Variants in IRAK1 observed in about 807,000 individuals in gnomAD.
IRAK1 encodes interleukin 1 receptor associated kinase 1.
IRAK1 carries 9 observed loss-of-function variants against 49.8 expected under a neutral mutation model. That is an observed-to-expected ratio of 0.18 (90% CI 0.11 to 0.32). IRAK1 has a LOEUF of 0.32. Among genes scored for constraint, IRAK1 ranks in the 10% least tolerant of loss-of-function variants. IRAK1 has a pLI of 1.00. For synonymous variants in IRAK1, 282 were observed against 270.8 expected, an observed-to-expected ratio of 1.04 and a Z score of -0.41; for missense variants, 418 against 600.5, an observed-to-expected ratio of 0.70 and a Z score of 3.18.
chrX:154,013,428 G>A lies in IRAK1; in HGVS notation c.1545C>T (p.Tyr515=), dbSNP rs1557128183. 8.5e-7 allele frequency: 1 copy of A among 1,177,225 alleles called. No homozygotes were observed. Among genetic ancestry groups the A allele is most frequent in the African/African-American group, 1.8e-5 (1 of 56,147 alleles). The change falls in exon 12 of 14, where the codon TAC becomes TAT. Residue 515 remains tyrosine, a synonymous_variant. Coordinates refer to ENST00000369980, the MANE Select transcript of IRAK1 (RefSeq NM_001569.4). ...CTGCCTGCAGCTTCTCTAGCCTCTC[G>A]TACACCTGCAAGTGGAAAAGAGGGA... ...AKRRPPMTQV[Y]ERLEKLQAVV...
In IRAK1 at chrX:154,013,397, C is replaced by T. The variant is rs782346380; in HGVS notation, c.1576G>A (p.Ala526Thr). Reference sequence around the variant, plus strand: ...GCCTCCGAATGCCCGGGCACCCCCGCCACCACTGCCTGCAGCTTCTCTAGC... The same window carrying T: ...GCCTCCGAATGCCCGGGCACCCCCGTCACCACTGCCTGCAGCTTCTCTAGC... ...ERLEKLQAVVAGVPGHSEAAS... is the reference protein window; with the variant it reads ...ERLEKLQAVVTGVPGHSEAAS... Residue 526 changes from alanine to threonine, a missense_variant, in exon 12 of 14, where the codon GCG (alanine) becomes ACG (threonine). Around this residue, in one of 3 missense-constraint regions of IRAK1, gnomAD observed 377 missense variants for 499.5 expected, o/e 0.75. Coordinates refer to ENST00000369980, the MANE Select transcript of IRAK1 (RefSeq NM_001569.4). The T allele has an allele frequency of 8.4e-7, 1 of 1,196,913 alleles. No individual in the cohort carries two copies. Among genetic ancestry groups the T allele is most frequent in the Non-Finnish European group, 1.1e-6 (1 of 890,281 alleles).
intron 11 of IRAK1, among the ~76,000 whole-genome samples, chrX:154,013,824 T>G (rs1273033654): frequency 8.9e-6 from 1 of 112,183 alleles, no homozygotes; most frequent in Non-Finnish European, 1.9e-5. Context: ...TTTCCTTCTC[T>G]CTATGTGAAG....
chrX:154,016,907 C>A, intron 8 of IRAK1, 42 bp downstream of exon 8: 1 of 1,012,211 alleles, frequency 9.9e-7, no homozygotes. Context: ...GCCCCCCTTG[C>A]TGCAGGCCCT....
intron 11 of IRAK1, 127 bp downstream of exon 11, chrX:154,013,915 G>C: frequency 1.0e-6 from 1 of 961,556 alleles, no homozygotes; most frequent in South Asian, 2.3e-5. Context: ...CAGAACCAAA[G>C]GGCAAGCAAG....
chrX:154,019,187 G>C lies in IRAK1; in HGVS notation c.436+10C>G. ...TGGGTCCACCGAGCCTAACAACCGGGCCCTCTTACCTGGGGAGAGGAAGGT... is the reference window on the plus strand; with the variant it reads ...TGGGTCCACCGAGCCTAACAACCGGCCCCTCTTACCTGGGGAGAGGAAGGT... On this transcript the variant is annotated intron_variant, in intron 3 of 13. Transcript: ENST00000369980. 1 of 1,211,250 alleles carries C rather than the reference G, an allele frequency of 8.3e-7. No individual in the cohort carries two copies. The highest frequency in any genetic ancestry group is 1.1e-6 in the Non-Finnish European group (1 of 895,154).
rs781811669 is a variant in IRAK1 at position 154,016,496 on chromosome X, C to T, written c.1177G>A (p.Glu393Lys). The T allele has an allele frequency of 2.5e-6, 3 of 1,211,995 alleles. No homozygotes were observed. Among genetic ancestry groups the T allele is most frequent in the Non-Finnish European group, 3.4e-6 (3 of 895,292 alleles). The change falls in exon 9 of 14, where the codon GAG becomes AAG. Residue 393 changes from glutamate to lysine, a missense_variant. Physicochemically the swap from Glu to Lys is moderately conservative, Grantham distance 56. Coordinates refer to ENST00000369980, the MANE Select transcript of IRAK1 (RefSeq NM_001569.4). The stretch of plus-strand genomic sequence containing the variant: ...AGCCTTCCCGTCTTGATGTACTCCT[C>T]GGGCAGGTAGGCCAGGGTGCCCCGC... ...TVRGTLAYLP[E>K]EYIKTGRLAV...
chrX:154,014,367 T>C, intron 10 of IRAK1, 89 bp from the exon 11 acceptor site: 1 of 689,786 alleles, frequency 1.4e-6, no homozygotes, highest in Non-Finnish European at 2.0e-6. Flanking sequence ...CGTATGGGTT[T>C]TGATAAAAAA....
intron 12 of IRAK1, 43 bp downstream of exon 12, chrX:154,013,000 A>G: frequency 1.7e-6 from 2 of 1,189,367 alleles, no homozygotes; most frequent in Non-Finnish European, 2.3e-6. Flanking sequence ...TTTGGCCCAA[A>G]GAGGCCTTGG....
Position 154,011,171 on chromosome X carries a change from A to C in IRAK1, c.*688T>G, listed in dbSNP as rs2065695232. 1 of 318,914 alleles carries C rather than the reference A, an allele frequency of 3.1e-6. No homozygotes were observed. 26.3% of individuals were successfully genotyped at this position (318,914 alleles called of 1,213,427 possible). A position where few individuals can be genotyped will look rare whatever the true frequency, so the allele number is the denominator to read the frequency against. The stretch of plus-strand genomic sequence containing the variant: ...ACAATCATGACTCACTGCAGCCTCG[A>C]CCTCCCAAGCATAAATGATCCTCCT... On this transcript the variant is annotated 3_prime_UTR_variant, in exon 14 of 14. Transcript: ENST00000369980.
chrX:154,018,498 G>A, intron 5 of IRAK1, 101 bp downstream of exon 5: 1 of 903,652 alleles, frequency 1.1e-6, no homozygotes, highest in Non-Finnish European at 1.6e-6. Context: ...GCCAGAATGA[G>A]GGCTGAAGGA....
rs1325815677 is a variant in IRAK1 at position 154,011,091 on chromosome X, G to A, written c.*768C>T. ...ACAGCCATACTTCACTTTTCCCAGG[G>A]TTTTTCTTTTTGAAACAGGGTCTTG... On this transcript the variant is annotated 3_prime_UTR_variant, in exon 14 of 14. Coordinates refer to ENST00000369980, the MANE Select transcript of IRAK1 (RefSeq NM_001569.4). The A allele has an allele frequency of 2.4e-5, 8 of 340,371 alleles. No homozygotes were observed. The highest frequency in any genetic ancestry group is 4.7e-5 in the Non-Finnish European group (8 of 169,862). 28.1% of individuals were successfully genotyped at this position (340,371 alleles called of 1,213,427 possible).
intron 3 of IRAK1, 50 bp from the exon 4 acceptor site, chrX:154,019,128 A>G (rs781861080): frequency 8.3e-7 from 1 of 1,203,718 alleles, no homozygotes; most frequent in East Asian, 3.0e-5. Context: ...AGCAGGGTCT[A>G]CAGCCGTGGC....
In IRAK1 at chrX:154,014,371, T is replaced by TA. The variant is rs146868205; in HGVS notation, c.1303-94dup. The stretch of plus-strand genomic sequence containing the variant: ...TGTCACTCAATCGTATGGGTTTTGA[T>TA]AAAAAAAAAAAAAAAAAAAAAAGAG... On this transcript the variant is annotated intron_variant, in intron 10 of 13. Coordinates refer to ENST00000369980, the MANE Select transcript of IRAK1 (RefSeq NM_001569.4). The TA allele has an allele frequency of 5.5e-3, 2,869 of 524,165 alleles. 3 individuals are homozygous for TA. Among genetic ancestry groups the TA allele is most frequent in the East Asian group, 0.029 (540 of 18,544 alleles). The allele number at this position is 524,165 out of a possible 1,213,427, so 43.2% of individuals were successfully genotyped here. A position where few individuals can be genotyped will look rare whatever the true frequency, so the allele number is the denominator to read the frequency against.
chrX:154,019,147 A>C, intron 3 of IRAK1, 50 bp downstream of exon 3: 2 of 1,208,354 alleles, frequency 1.7e-6, no homozygotes, highest in Non-Finnish European at 2.2e-6. Context: ...GCCGTGGTCA[A>C]GGTGGGCTCT....
Position 154,013,274 on chromosome X carries a change from G to A in IRAK1, c.1699C>T (p.Pro567Ser), listed in dbSNP as rs1557128086. ...GCTGCCTGGGCACTGGCTCCTGATG[G>A]CGCTGCCAGGGGCTGCCATGGAGCA... ...GAAPWQPLAA[P>S]SGASAQAAEQ... The change falls in exon 12 of 14, where the codon CCA (proline) becomes TCA (serine). Residue 567 changes from proline to serine, a missense_variant. Around this residue, in one of 3 missense-constraint regions of IRAK1, gnomAD observed 377 missense variants for 499.5 expected, o/e 0.75. Transcript: ENST00000369980. 2.5e-6 allele frequency: 3 copies of A among 1,210,406 alleles called. No individual in the cohort carries two copies. Among genetic ancestry groups the A allele is most frequent in the Non-Finnish European group, 3.4e-6 (3 of 895,253 alleles).
intron 10 of IRAK1, among the ~76,000 whole-genome samples, chrX:154,014,813 A>G (rs1488908200): frequency 1.8e-5 from 2 of 112,108 alleles, no homozygotes; most frequent in Non-Finnish European, 3.8e-5. Context: ...CTAGGGATAC[A>G]GGAACAAACA....
Position 154,019,813 on chromosome X carries a change from G to C in IRAK1, c.-1C>G. 1 of 864,482 alleles carries C rather than the reference G, an allele frequency of 1.2e-6. No homozygotes were observed. 71.2% of individuals were successfully genotyped at this position (864,482 alleles called of 1,213,427 possible). A position where few individuals can be genotyped will look rare whatever the true frequency, so the allele number is the denominator to read the frequency against. On this transcript the variant is annotated 5_prime_UTR_variant, in exon 1 of 14. Transcript: ENST00000369980. ...CCCCCGGGCCCGGCCCCCCGGCCAT[G>C]GCTGCCGCCGCCGGGCCGGGACCTG... is the stretch of plus-strand genomic sequence containing the variant.
Position 154,013,736 on chromosome X carries a change from G to A in IRAK1, c.1540-303C>T, listed in dbSNP as rs144148891. Among the ~76,000 whole-genome samples, 1,000 of 113,033 alleles carry A rather than the reference G, an allele frequency of 8.8e-3. 12 individuals are homozygous for A. Among genetic ancestry groups the A allele is most frequent in the African/African-American group, 0.031 (959 of 31,160 alleles). ...TTTCAACTGTCACCAGAGGAGAAGAGGTGGGGTACTAGGGAGGGGACAGAA... is the reference window on the plus strand; with the variant it reads ...TTTCAACTGTCACCAGAGGAGAAGAAGTGGGGTACTAGGGAGGGGACAGAA... On this transcript the variant is annotated intron_variant, in intron 11 of 13. Transcript: ENST00000369980.
In IRAK1 at chrX:154,012,608, CT is replaced by C; in HGVS notation, c.2000del (p.Gln667ArgfsTer97). 8.3e-7 allele frequency: 1 copy of C among 1,211,902 alleles called. No homozygotes were observed. Among genetic ancestry groups the C allele is most frequent in the Non-Finnish European group, 1.1e-6 (1 of 895,329 alleles). On this transcript the variant is annotated frameshift_variant, in exon 13 of 14. Coordinates refer to ENST00000369980, the MANE Select transcript of IRAK1 (RefSeq NM_001569.4). LOFTEE classifies it high-confidence loss of function. Reference protein sequence around the residue: ...PPQIIINPARQKMVQKLALYE... With the variant: ...PPQIIINPARXKMVQKLALYE... The stretch of plus-strand genomic sequence containing the variant: ...ACAGGGCCAGCTTCTGGACCATCTT[CT>C]GTCGGGCAGGGTTGATGATAATCTG...
Sources: allele counts gnomAD v4.1 joint callset (sites outside exome capture counted in the v4.1 genomes callset), GRCh38; gene constraint gnomAD v4.1.1; regional missense constraint gnomAD v4.1.1; transcripts MANE v1.5; gene names NCBI Gene and HGNC (gene_info 2026-07-23, HGNC 2026-07-21).